SYK: variants seen among roughly 807,000 people sequenced by gnomAD.
SYK encodes the protein spleen associated tyrosine kinase.
Under a neutral mutation model 77.8 loss-of-function variants are expected in SYK, and 16 were observed. The observed-to-expected ratio is 0.21, with a 90% CI of 0.14 to 0.31. SYK has a LOEUF of 0.31. Among genes scored for constraint, SYK ranks in the 10% least tolerant of loss-of-function variants. The pLI, the probability that SYK is intolerant of heterozygous loss-of-function variation, is 1.00. For missense variants in SYK, 529 were observed against 814.4 expected, an observed-to-expected ratio of 0.65 and a Z score of 4.26; for synonymous variants, 312 against 308.7, an observed-to-expected ratio of 1.01 and a Z score of -0.11.
At chr9:90,849,574 C>T (rs1826738606) in intron 3 of SYK, among the ~76,000 whole-genome samples, 1 of 152,220 alleles carries the variant, frequency 6.6e-6, no homozygotes, top group Non-Finnish European at 1.5e-5. Context: ...TCTACCTCCT[C>T]TTAAATCATT....
At chr9:90,884,479 A>ATGTGTACATG (rs1828365335) in intron 11 of SYK, among the ~76,000 whole-genome samples, 1 of 18,694 alleles carries the variant, frequency 5.3e-5, no homozygotes, top group Non-Finnish European at 7.9e-5. Flanking sequence ...ACATATACAT[A>ATGTGTACATG]CACACACATA....
At position 90,878,464 on chromosome 9, in the gene SYK, G is replaced by A. The variant is rs191950405; in HGVS notation, c.1392-300G>A. ...TTAGTTCTGTGACCTGTGTGATACT[G>A]GAACAAGGATTTGAGGTGGTGCCTG... On this transcript the variant is annotated intron_variant, in intron 10 of 13. Coordinates refer to ENST00000375754, the MANE Select transcript of SYK (RefSeq NM_003177.7). 1.6e-4 allele frequency among the ~76,000 whole-genome samples: 24 copies of A among 152,290 alleles called. No homozygotes were observed. The East Asian group carries it at 4.2e-3, about 27-fold the overall frequency.
Position 90,844,298 on chromosome 9 carries a change from C to G in SYK, c.400C>G (p.Gln134Glu), listed in dbSNP as rs765252567. 60 of 1,608,998 alleles carry G rather than the reference C, an allele frequency of 3.7e-5. No homozygotes were observed. The highest frequency in any genetic ancestry group is 3.4e-6 in the Non-Finnish European group (4 of 1,177,448). ...KENLIREYVK[Q>E]TWNLQGQALE... is the part of the protein sequence containing the mutation. The stretch of plus-strand genomic sequence containing the variant: ...AAACCTCATCAGGGAATATGTGAAG[C>G]AGACATGGAACCTGCAGGTGGGCCA... The change falls in exon 2 of 14, where the codon CAG becomes GAG. Residue 134 changes from glutamine (Q) to glutamate (E), a missense_variant. By Grantham distance (29) the Gln-to-Glu change is conservative. Transcript: ENST00000375754.
At chr9:90,885,728 G>A (rs527728402) in intron 11 of SYK, among the ~76,000 whole-genome samples, 202 of 152,256 alleles carry the variant, frequency 1.3e-3, no homozygotes, top group African/African-American at 4.5e-3. Flanking sequence ...TCCACAGCAC[G>A]TTATAATCAA....
At chr9:90,871,928 G>A (rs1381669160) in intron 7 of SYK, among the ~76,000 whole-genome samples, 1 of 152,172 alleles carries the variant, frequency 6.6e-6, no homozygotes, top group East Asian at 1.9e-4. Flanking sequence ...AATTTCCGAG[G>A]AAGATCTCCC....
Position 90,895,696 on chromosome 9 carries a change from A to C in SYK, c.*96A>C. On this transcript the variant is annotated 3_prime_UTR_variant, in exon 14 of 14. Coordinates refer to ENST00000375754, the MANE Select transcript of SYK (RefSeq NM_003177.7). This position sits in a 1 kb window ranked among gnomAD's most constrained non-coding sequence, Gnocchi z 4.4. The stretch of plus-strand genomic sequence containing the variant: ...TGATTGTCAGCCACCTCCCTCTGCC[A>C]GTCGGGAGAGCCAGGCTTGGATGGA... 1 of 1,173,218 alleles carries C rather than the reference A, an allele frequency of 8.5e-7. No individual in the cohort carries two copies. The highest frequency in any genetic ancestry group is 1.3e-6 in the Non-Finnish European group (1 of 797,076). 72.7% of individuals were successfully genotyped at this position (1,173,218 alleles called of 1,614,324 possible).
At chr9:90,864,295 A>G (rs2118797574) in intron 4 of SYK, among the ~76,000 whole-genome samples, 1 of 152,240 alleles carries the variant, frequency 6.6e-6, no homozygotes, top group Non-Finnish European at 1.5e-5. Flanking sequence ...GTTGTTTTGG[A>G]TAAATAAATA....
At chr9:90,834,051 G>A (rs559220184) in intron 1 of SYK, among the ~76,000 whole-genome samples, 6 of 152,158 alleles carry the variant, frequency 3.9e-5, no homozygotes, top group African/African-American at 1.2e-4. Context: ...GGTGTATCAC[G>A]TGCAAGGTGA....
At chr9:90,858,036 G>A (rs182343) in intron 3 of SYK, among the ~76,000 whole-genome samples, 6 of 152,096 alleles carry the variant, frequency 3.9e-5, no homozygotes, top group Non-Finnish European at 2.9e-5. Context: ...CAGTGTCCCC[G>A]TAGCCCTGGG....
chr9:90,874,970 G>T, intron 9 of SYK, 121 bp downstream of exon 9: 1 of 1,188,640 alleles, frequency 8.4e-7, no homozygotes, highest in Non-Finnish European at 1.2e-6. Flanking sequence ...TACCATTCTT[G>T]TTAATTTCTG....
Position 90,832,098 on chromosome 9 carries a change from CA to C in SYK, c.-41-11754del, listed in dbSNP as rs1369133597. 4.6e-5 allele frequency among the ~76,000 whole-genome samples: 7 copies of C among 152,244 alleles called. No homozygotes were observed. The South Asian group carries it at 1.2e-3, about 27-fold the overall frequency. On this transcript the variant is annotated intron_variant, in intron 1 of 13. Coordinates refer to ENST00000375754, the MANE Select transcript of SYK (RefSeq NM_003177.7). ...ACAAGGTTCTGTATTGATTGATTGA[CA>C]AAAAAGTTGTAACCAGAGGATCACA...
rs202205240 is a variant in SYK, at chr9:90,896,619, A to C, written c.*1019A>C. 8.6e-6 allele frequency: 2 copies of C among 232,624 alleles called. No homozygotes were observed. Among genetic ancestry groups the C allele is most frequent in the African/African-American group, 4.4e-5 (2 of 45,320 alleles). 14.4% of individuals were successfully genotyped at this position (232,624 alleles called of 1,614,324 possible). On this transcript the variant is annotated 3_prime_UTR_variant, in exon 14 of 14. Coordinates refer to ENST00000375754, the MANE Select transcript of SYK (RefSeq NM_003177.7). ...AGCCAAAGACCCTGAGCCTCACCAC[A>C]AACAGGCCTTTTGGAGTGTGAATTT...
intron 1 of SYK, among the ~76,000 whole-genome samples, chr9:90,840,704 T>TA (rs1826273905): frequency 6.6e-6 from 1 of 152,200 alleles, no homozygotes; most frequent in Non-Finnish European, 1.5e-5. Flanking sequence ...AGATATACTT[T>TA]AAAAAACAAA....
At chr9:90,848,250 T>C (rs1313325744) in intron 3 of SYK, among the ~76,000 whole-genome samples, 4 of 152,230 alleles carry the variant, frequency 2.6e-5, no homozygotes, top group Non-Finnish European at 5.9e-5. Flanking sequence ...TAGAAGTGTT[T>C]GTTTGTGTGT....
intron 1 of SYK, among the ~76,000 whole-genome samples, chr9:90,807,579 C>G: frequency 6.6e-6 from 1 of 152,248 alleles, no homozygotes; most frequent in Non-Finnish European, 1.5e-5. Context: ...CTCTCCCAGG[C>G]GGGCTGACTC....
At chr9:90,864,909 C>T (rs746508265) in intron 5 of SYK, 139 bp from the exon 6 acceptor site, 10 of 869,950 alleles carry the variant, frequency 1.1e-5, no homozygotes, top group East Asian at 5.0e-5. Context: ...AAAAGAGGGT[C>T]GAAAGAAGTA....
intron 1 of SYK, among the ~76,000 whole-genome samples, chr9:90,833,210 A>G (rs1046193301): frequency 6.6e-6 from 1 of 152,230 alleles, no homozygotes; most frequent in Admixed American, 6.5e-5. Flanking sequence ...CCAGGAAGTG[A>G]GGATCACTGG....
At chr9:90,861,208 T>C (rs753773469) in intron 3 of SYK, among the ~76,000 whole-genome samples, 1 of 152,102 alleles carries the variant, frequency 6.6e-6, no homozygotes, top group Non-Finnish European at 1.5e-5. Context: ...AGGGGATCTC[T>C]CACCTCCCCA....
At chr9:90,893,980 A>G (rs570010237) in intron 13 of SYK, among the ~76,000 whole-genome samples, 1 of 152,330 alleles carries the variant, frequency 6.6e-6, no homozygotes, top group South Asian at 2.1e-4. Context: ...AGCTTCCTGG[A>G]GGCAGCATCT....
Sources: gnomAD v4.1 joint callset for allele counts (sites outside exome capture counted in the v4.1 genomes callset) on GRCh38, gnomAD v4.1.1 for gene constraint, Gnocchi (gnomAD v3.1) non-coding constraint, MANE v1.5 for transcripts, NCBI Gene and HGNC (gene_info 2026-07-23, HGNC 2026-07-21) for gene names.